The following SPATA31C1 variants were observed in gnomAD, a reference collection of about 807,000 sequenced individuals.
SPATA31C1 encodes SPATA31 subfamily C member 1.
exon 5 of SPATA31C1, chr9:87,920,513 C>T (rs1253237686): frequency 1.2e-6 from 2 of 1,613,948 alleles, no homozygotes; most frequent in Admixed American, 1.7e-5. Context: ...CAGAACCTTC[C>T]CTTCTCCTAG....
At chr9:87,919,039 G>A in intron 2 of SPATA31C1, 6 of 681,582 alleles carry the variant, frequency 8.8e-6, no homozygotes, top group Non-Finnish European at 1.4e-5. Flanking sequence ...CAAAGTGCTT[G>A]GATTATAGGC....
intron 2 of SPATA31C1, chr9:87,918,867 GT>G (rs1242888629): frequency 3.0e-6 from 1 of 332,066 alleles, no homozygotes; most frequent in African/African-American, 2.2e-5. Flanking sequence ...TGCTTCCAGA[GT>G]TCAAGCTATT....
At chr9:87,918,976 G>T in intron 2 of SPATA31C1, 1 of 401,136 alleles carries the variant, frequency 2.5e-6, no homozygotes, top group South Asian at 2.0e-5. Flanking sequence ...TTTCACCATG[G>T]CCAGGCTGGT....
intron 1 of SPATA31C1, among the ~76,000 whole-genome samples, chr9:87,915,422 C>T (rs1174132941): frequency 6.9e-6 from 1 of 144,286 alleles, no homozygotes; most frequent in African/African-American, 2.5e-5. Context: ...CCTGTCTTAG[C>T]GTACTGAGTA....
chr9:87,921,544 T>C (rs747947448), exon 5 of SPATA31C1: 3 of 1,611,996 alleles, frequency 1.9e-6, no homozygotes, highest in South Asian at 1.1e-5. Context: ...GGGAAGGTTC[T>C]GGGGGCGACC....
chr9:87,919,173 G>A lies in SPATA31C1; in HGVS notation n.523-118G>A, dbSNP rs559280441. 292 of 1,581,032 alleles carry A rather than the reference G, an allele frequency of 1.8e-4. 1 individual carries two copies. The South Asian group carries it at 3.1e-3, about 17-fold the overall frequency. On this transcript the variant is annotated intron_variant and non_coding_transcript_variant, in intron 2 of 4. Transcript: ENST00000420021. ...CCCTGAGCAAGACAGACAGAGCCAT[G>A]CGGTTCATGAGTGCAGCGTGCTGCG...
chr9:87,920,107 G>A (rs377506244), intron 4 of SPATA31C1, 131 bp downstream of exon 3: 46 of 1,604,742 alleles, frequency 2.9e-5, no homozygotes, highest in African/African-American at 2.5e-4. Flanking sequence ...GCCCTGGGGC[G>A]AGGGGTAGCA....
At chr9:87,919,172 T>A (rs1320890575) in intron 2 of SPATA31C1, 83 bp from the exon 2 acceptor site, 1 of 1,578,510 alleles carries the variant, frequency 6.3e-7, no homozygotes, top group Non-Finnish European at 8.6e-7. Context: ...GACAGAGCCA[T>A]GCGGTTCATG....
exon 5 of SPATA31C1, chr9:87,922,328 G>A (rs768053280): frequency 8.7e-5 from 140 of 1,611,256 alleles, no homozygotes; most frequent in Non-Finnish European, 1.1e-4. Flanking sequence ...GGGAGGCAGT[G>A]CCACAACCCA....
At position 87,920,867 on chromosome 9, in the gene SPATA31C1, C is replaced by T. The variant is rs479015; in HGVS notation, n.1257C>T. 1.3e-4 allele frequency: 211 copies of T among 1,613,480 alleles called. 1 individual carries two copies. The Admixed American group carries it at 1.7e-3, about 13-fold the overall frequency. On this transcript the variant is annotated non_coding_transcript_exon_variant, in exon 5 of 5. Coordinates refer to ENST00000420021, the Ensembl canonical transcript of SPATA31C1. ...ATCATCTTTCCCGCCAAAGGGACAC[C>T]ACAATGTCCCCACTGCTTTTCCAGG...
Position 87,918,945 on chromosome 9 carries a change from G to A in SPATA31C1, n.523-346G>A, listed in dbSNP as rs573422613. On this transcript the variant is annotated intron_variant and non_coding_transcript_variant, in intron 2 of 4. Coordinates refer to ENST00000420021, the Ensembl canonical transcript of SPATA31C1. ...CCGCCACCACGCCTGGCTAATTTTC[G>A]TATTTTTAGTAGAGATGGGGTTTCA... is the stretch of plus-strand genomic sequence containing the variant. 284 of 365,612 alleles carry A rather than the reference G, an allele frequency of 7.8e-4. 2 individuals carry two copies. The highest frequency in any genetic ancestry group is 2.4e-4 in the Non-Finnish European group (44 of 185,620). The allele number at this position is 365,612 out of a possible 1,614,324, so 22.6% of individuals were successfully genotyped here. A position where few individuals can be genotyped will look rare whatever the true frequency, so the allele number is the denominator to read the frequency against.
chr9:87,916,901 G>A (rs1402419162), intron 1 of SPATA31C1, among the ~76,000 whole-genome samples: 887 of 59,242 alleles, frequency 0.015, 3 homozygotes, highest in African/African-American at 0.043. Context: ...GGAGGCTGAG[G>A]CAGGAGAATG....
intron 1 of SPATA31C1, among the ~76,000 whole-genome samples, chr9:87,915,599 C>G (rs143288981): frequency 0.043 from 6,169 of 145,050 alleles, 805 homozygotes; most frequent in Middle Eastern, 0.13. Flanking sequence ...CCGCGCCCGG[C>G]TGATCCTTTT....
rs564290956 is a variant in SPATA31C1 at position 87,922,014 on chromosome 9, G to A, written n.2404G>A. The A allele has an allele frequency of 8.7e-6, 14 of 1,613,820 alleles. No homozygotes were observed. In the African/African-American group the frequency reaches 1.9e-4, roughly 22 times the overall value. On this transcript the variant is annotated non_coding_transcript_exon_variant, in exon 5 of 5. Coordinates refer to ENST00000420021, the Ensembl canonical transcript of SPATA31C1. ...CTCCTCAGACACCTGCGAATCTGGG[G>A]CTGGCTCAAAAGTTGAGGTGGCCAC...
At chr9:87,920,029 C>T (rs1828809603) in intron 4 of SPATA31C1, 53 bp downstream of exon 3, 1 of 1,608,372 alleles carries the variant, frequency 6.2e-7, no homozygotes, top group Non-Finnish European at 8.5e-7. Flanking sequence ...GGACGTGACC[C>T]CAGGGCCACA....
At chr9:87,916,745 C>T (rs573127972) in intron 1 of SPATA31C1, among the ~76,000 whole-genome samples, 6 of 103,704 alleles carry the variant, frequency 5.8e-5, no homozygotes, top group African/African-American at 1.5e-4. Context: ...CGCCTGTAAT[C>T]CCAGCACTTT....
At chr9:87,922,861 T>G in exon 5 of SPATA31C1, 1 of 1,606,132 alleles carries the variant, frequency 6.2e-7, no homozygotes, top group South Asian at 1.1e-5. Flanking sequence ...ACTCCTCAAC[T>G]TACCCCAGGC....
exon 5 of SPATA31C1, chr9:87,921,248 G>T (rs756721317): frequency 1.2e-6 from 2 of 1,611,972 alleles, no homozygotes; most frequent in Non-Finnish European, 1.7e-6. Context: ...TTCTGCCTGA[G>T]AACTTTCCAG....
At chr9:87,922,967 G>A (rs1325982225) in exon 5 of SPATA31C1, 2 of 1,236,000 alleles carry the variant, frequency 1.6e-6, no homozygotes, top group Non-Finnish European at 2.2e-6. Flanking sequence ...AAAACATCAA[G>A]CAATTTTTTG....
Sources: allele counts gnomAD v4.1 joint callset (sites outside exome capture counted in the v4.1 genomes callset), GRCh38; gene constraint gnomAD v4.1.1; transcripts MANE v1.5; gene names NCBI Gene and HGNC (gene_info 2026-07-23, HGNC 2026-07-21).